Variants in TLR10 observed in about 807,000 individuals in gnomAD.
The protein encoded by TLR10 is toll like receptor 10.
For synonymous variants in TLR10, 288 were observed against 338.8 expected, an observed-to-expected ratio of 0.85 and a Z score of 1.65; for missense variants, 929 against 932.9, an observed-to-expected ratio of 1.00 and a Z score of 0.05.
At chr4:38,777,711 C>T (rs1222871508) in intron 1 of TLR10, among the ~76,000 whole-genome samples, 1 of 152,192 alleles carries the variant, frequency 6.6e-6, no homozygotes, top group Non-Finnish European at 1.5e-5. Context: ...CTCATGATCA[C>T]TGGTCATTAG....
chr4:38,777,275 G>C (rs1032241052), intron 1 of TLR10, among the ~76,000 whole-genome samples: 7 of 152,184 alleles, frequency 4.6e-5, no homozygotes, highest in African/African-American at 1.7e-4. Context: ...GACACTTGTT[G>C]TCTGGGGAAA....
rs1192493376 is a variant in TLR10 at position 38,775,551 on chromosome 4, C to T, written c.40G>A (p.Val14Ile). Residue 14 changes from valine (V) to isoleucine (I), a missense_variant, in exon 4 of 4, where the codon GTT becomes ATT. Coordinates refer to ENST00000308973, the MANE Select transcript of TLR10 (RefSeq NM_030956.4). ...GGAGCATCACCCTCTGCTGTCATAA[C>T]AATACTACAAAATATGTAAATGTTT... ...IRNIYIFCSI[V>I]MTAEGDAPEL... The T allele has an allele frequency of 6.2e-7, 1 of 1,612,044 alleles. No homozygotes were observed. Among genetic ancestry groups the T allele is most frequent in the Non-Finnish European group, 8.5e-7 (1 of 1,179,386 alleles).
chr4:38,775,421 T>G lies in TLR10; in HGVS notation c.170A>C (p.Tyr57Ser), dbSNP rs371000369. ...TPATTTLDLS[Y>S]NLLFQLQSSD... ...ACTCTGGAGTTGAAAAAGGAGGTTA[T>G]AGGATAAATCCAGTGTCGTTGTGGC... The change falls in exon 4 of 4, where the codon TAT (tyrosine) becomes TCT (serine). Residue 57 changes from tyrosine to serine, a missense_variant. Physicochemically the swap from Tyr to Ser is moderately radical, Grantham distance 144. Coordinates refer to ENST00000308973, the MANE Select transcript of TLR10 (RefSeq NM_030956.4). 1.7e-5 allele frequency: 28 copies of G among 1,614,042 alleles called. No homozygotes were observed. The highest frequency in any genetic ancestry group is 2.4e-5 in the Non-Finnish European group (28 of 1,180,016).
At chr4:38,778,596 G>C (rs1454196439) in intron 1 of TLR10, among the ~76,000 whole-genome samples, 4 of 152,150 alleles carry the variant, frequency 2.6e-5, no homozygotes, top group African/African-American at 4.8e-5. Flanking sequence ...GAAGTGGTTA[G>C]ATTCTAATTT....
chr4:38,781,987 A>C (rs973427775), intron 1 of TLR10, among the ~76,000 whole-genome samples: 2 of 152,204 alleles, frequency 1.3e-5, no homozygotes. Flanking sequence ...TGACCAACTG[A>C]AGAAGCAGAG....
rs771071311 is a variant in TLR10, at chr4:38,773,229, G to T, written c.2362C>A (p.Leu788Met). The change falls in exon 4 of 4, where the codon CTG (leucine) becomes ATG (methionine). Residue 788 changes from leucine to methionine, a missense_variant. By Grantham distance (15) the Leu-to-Met change is conservative (BLOSUM62 2). Transcript: ENST00000308973. ...TCATTTAACTCTGTGAATGTCTGCA[G>T]TTCATACATTTCTCTGGTGGCTAAT... is the stretch of plus-strand genomic sequence containing the variant. ...NVLATREMYE[L>M]QTFTELNEES... 1 of 1,599,202 alleles carries T rather than the reference G, an allele frequency of 6.3e-7. No homozygotes were observed. The highest frequency in any genetic ancestry group is 8.5e-7 in the Non-Finnish European group (1 of 1,174,702).
chr4:38,781,835 C>G (rs1467989138), intron 1 of TLR10, among the ~76,000 whole-genome samples: 1 of 152,152 alleles, frequency 6.6e-6, no homozygotes, highest in Non-Finnish European at 1.5e-5. Flanking sequence ...TCAGTATTTC[C>G]TACGTGTCTG....
rs1048581263 is a variant in TLR10 at position 38,773,035 on chromosome 4, T to C, written c.*120A>G. On this transcript the variant is annotated 3_prime_UTR_variant, in exon 4 of 4. Coordinates refer to ENST00000308973, the MANE Select transcript of TLR10 (RefSeq NM_030956.4). ...TCTTAGAAATCCTTCTAGAAACTGA[T>C]ATGAAGGGAATAACCATTTTTTATT... 1 of 956,250 alleles carries C rather than the reference T, an allele frequency of 1.0e-6. No homozygotes were observed. The highest frequency in any genetic ancestry group is 1.7e-5 in the African/African-American group (1 of 58,982). The allele number at this position is 956,250 out of a possible 1,614,324, so 59.2% of individuals were successfully genotyped here. A position where few individuals can be genotyped will look rare whatever the true frequency, so the allele number is the denominator to read the frequency against.
At position 38,773,434 on chromosome 4, in the gene TLR10, A is replaced by T; in HGVS notation, c.2157T>A (p.His719Gln). Residue 719 changes from histidine to glutamine, a missense_variant, in exon 4 of 4, where the codon CAT (histidine) becomes CAA (glutamine). Physicochemically the swap from His to Gln is conservative, Grantham distance 24. Transcript: ENST00000308973. ...EFYFAHHNLF[H>Q]ENSDHIILIL... ...TAAGAATTATATGATCAGAATTTTCATGGAAGAGATTGTGGTGGGCAAAGT... is the reference window on the plus strand; with the variant it reads ...TAAGAATTATATGATCAGAATTTTCTTGGAAGAGATTGTGGTGGGCAAAGT... The T allele has an allele frequency of 6.2e-7, 1 of 1,612,226 alleles. No individual in the cohort carries two copies. The highest frequency in any genetic ancestry group is 8.5e-7 in the Non-Finnish European group (1 of 1,179,412).
In TLR10 at chr4:38,775,205, A is replaced by T; in HGVS notation, c.386T>A (p.Phe129Tyr). The T allele has an allele frequency of 6.2e-7, 1 of 1,612,918 alleles. No individual in the cohort carries two copies. The highest frequency in any genetic ancestry group is 8.5e-7 in the Non-Finnish European group (1 of 1,179,676). ...LRYLDLSFND[F>Y]DTMPICEEAG... ...TTCCTCACAGATAGGCATGGTGTCA[A>T]AGTCATTAAAAGAAAGATCTAAATA... Residue 129 changes from phenylalanine (F) to tyrosine (Y), a missense_variant, in exon 4 of 4, where the codon TTT becomes TAT. Transcript: ENST00000308973.
chr4:38,775,452 T>A lies in TLR10; in HGVS notation c.139A>T (p.Thr47Ser). 6.2e-7 allele frequency: 1 copy of A among 1,613,790 alleles called. No individual in the cohort carries two copies. ...AAATCCAGTGTCGTTGTGGCTGGGG[T>A]CAAGTCTGCGGGAACCTTTCTTAGA... ...MSLRKVPADLTPATTTLDLSY... is the reference protein window; with the variant it reads ...MSLRKVPADLSPATTTLDLSY... The change falls in exon 4 of 4, where the codon ACC becomes TCC. Residue 47 changes from threonine (T) to serine (S), a missense_variant. Coordinates refer to ENST00000308973, the MANE Select transcript of TLR10 (RefSeq NM_030956.4).
At chr4:38,776,770 A>G (rs887063718) in intron 1 of TLR10, among the ~76,000 whole-genome samples, 7 of 152,212 alleles carry the variant, frequency 4.6e-5, no homozygotes, top group African/African-American at 1.7e-4. Flanking sequence ...CTGTTTCTAC[A>G]TAGCTTATAT....
In TLR10 at chr4:38,774,397, G is replaced by A; in HGVS notation, c.1194C>T (p.Pro398=). 6.2e-7 allele frequency: 1 copy of A among 1,613,310 alleles called. No individual in the cohort carries two copies. The highest frequency in any genetic ancestry group is 1.3e-5 in the African/African-American group (1 of 75,006). ...TTTGACTCAGATCCAAGTGTTCCAAGGGTGTGTTGTTAGCAAAGCAACTTA... is the reference window on the plus strand; with the variant it reads ...TTTGACTCAGATCCAAGTGTTCCAAAGGTGTGTTGTTAGCAAAGCAACTTA... The part of the protein sequence containing the change: ...SLVSCFANNT[P]LEHLDLSQNL... Residue 398 remains proline, a synonymous_variant, in exon 4 of 4, where the codon CCC becomes CCT. Coordinates refer to ENST00000308973, the MANE Select transcript of TLR10 (RefSeq NM_030956.4).
intron 1 of TLR10, among the ~76,000 whole-genome samples, chr4:38,782,620 G>A (rs1038911688): frequency 6.6e-6 from 1 of 152,168 alleles, no homozygotes; most frequent in African/African-American, 2.4e-5. Flanking sequence ...GGAAATAAGA[G>A]CTAGAAAAAA....
chr4:38,782,919 AC>A lies in TLR10; in HGVS notation c.-569+1del, dbSNP rs2109328133. On this transcript the variant is annotated splice_donor_variant, in intron 1 of 3. Transcript: ENST00000308973. LOFTEE classifies it low-confidence loss of function (5UTR_SPLICE). ...TACAACAAACAAAGCTAAGGTTCTT[AC>A]CCCACGGCTTGCACTCTCTCAGCAG... 6.6e-6 allele frequency: 1 copy of A among 152,240 alleles called. No individual in the cohort carries two copies. The highest frequency in any genetic ancestry group is 2.1e-4 in the South Asian group (1 of 4,826). 9.4% of individuals were successfully genotyped at this position (152,240 alleles called of 1,614,324 possible).
chr4:38,773,937 T>C lies in TLR10; in HGVS notation c.1654A>G (p.Thr552Ala). 6.3e-7 allele frequency: 1 copy of C among 1,580,196 alleles called. No homozygotes were observed. Among genetic ancestry groups the C allele is most frequent in the East Asian group, 2.2e-5 (1 of 44,584 alleles). ...VMMVGWSDSYTCEYPLNLRGT... is the reference protein window; with the variant it reads ...VMMVGWSDSYACEYPLNLRGT... ...CTTAGGTTTAAAGGGTATTCACAGGTGTATGAATCTGACCATCCAACCATC... is the reference window on the plus strand; with the variant it reads ...CTTAGGTTTAAAGGGTATTCACAGGCGTATGAATCTGACCATCCAACCATC... The change falls in exon 4 of 4, where the codon ACC becomes GCC. Residue 552 changes from threonine to alanine, a missense_variant. Transcript: ENST00000308973.
rs369753642 is a variant in TLR10, at chr4:38,775,058, G to A, written c.533C>T (p.Pro178Leu). ...NTVFLGFRTL[P>L]HYEEGSLPIL... The stretch of plus-strand genomic sequence containing the variant: ...GGGCAGGCTACCTTCTTCATAATGA[G>A]GAAGAGTTCTGAATCCTAAGAAGAC... The change falls in exon 4 of 4, where the codon CCT becomes CTT. Residue 178 changes from proline (P) to leucine (L), a missense_variant. Physicochemically the swap from Pro to Leu is moderately conservative, Grantham distance 98. Transcript: ENST00000308973. 5.7e-5 allele frequency: 92 copies of A among 1,612,308 alleles called. No homozygotes were observed. Among genetic ancestry groups the A allele is most frequent in the Non-Finnish European group, 6.9e-5 (81 of 1,179,730 alleles).
rs778050544 is a variant in TLR10, at chr4:38,774,511, T to A, written c.1080A>T (p.Leu360Phe). ...TAGTTCTTTTAAACAACTCGTCTGT[T>A]AAGATATTATTGGCAAAATTTAAAT... Reference protein sequence around the residue: ...FQYLNFANNILTDELFKRTIQ... With the variant: ...FQYLNFANNIFTDELFKRTIQ... The change falls in exon 4 of 4, where the codon TTA becomes TTT. Residue 360 changes from leucine (L) to phenylalanine (F), a missense_variant. Physicochemically the swap from Leu to Phe is conservative, Grantham distance 22. Transcript: ENST00000308973. 13 of 1,585,472 alleles carry A rather than the reference T, an allele frequency of 8.2e-6. No individual in the cohort carries two copies. In the South Asian group the frequency reaches 1.3e-4, roughly 16 times the overall value.
chr4:38,774,411 C>CAACACT lies in TLR10; in HGVS notation c.1179_1180insAGTGTT (p.Phe393_Ala394insSerVal). The CAACACT allele has an allele frequency of 6.2e-7, 1 of 1,613,190 alleles. No homozygotes were observed. Among genetic ancestry groups the CAACACT allele is most frequent in the Non-Finnish European group, 8.5e-7 (1 of 1,179,750 alleles). ...AAGTGTTCCAAGGGTGTGTTGTTAG[C>CAACACT]AAAGCAACTTACTAAAGAAAGTGTC... On this transcript the variant is annotated inframe_insertion, in exon 4 of 4. Coordinates refer to ENST00000308973, the MANE Select transcript of TLR10 (RefSeq NM_030956.4).
Sources: gnomAD v4.1 joint callset for allele counts (sites outside exome capture counted in the v4.1 genomes callset) on GRCh38, gnomAD v4.1.1 for gene constraint, MANE v1.5 for transcripts, NCBI Gene and HGNC (gene_info 2026-07-23, HGNC 2026-07-21) for gene names.